SPARCL1: variants seen among roughly 807,000 people sequenced by gnomAD.
SPARCL1 encodes the protein SPARC-like protein 1.
A neutral mutation model predicts 67.1 loss-of-function variants in SPARCL1; 52 were observed. The ratio of observed to expected loss-of-function variants is 0.78; its 90% confidence interval spans 0.62 to 0.98. SPARCL1 has a LOEUF of 0.98. SPARCL1 is among the 50% of genes least tolerant of loss of function. The probability of loss-of-function intolerance (pLI) is 0.00; values close to 1 mark genes in which losing one functional copy is unlikely to be tolerated. For missense variants in SPARCL1, 717 were observed against 782.4 expected (o/e 0.92, Z 1.00); for synonymous variants, 226 against 267.8 (o/e 0.84, Z 1.52).
At chr4:87,516,682 C>T (rs1229413255) in intron 1 of SPARCL1, among the ~76,000 whole-genome samples, 1 of 152,160 alleles carries the variant, frequency 6.6e-6, no homozygotes, top group African/African-American at 2.4e-5. Context: ...AGCCAAAGGG[C>T]ACCCGGAGGC....
rs765140532 is a variant in SPARCL1 at position 87,490,409 on chromosome 4, A to C, written c.1411-16T>G. 4 of 1,594,688 alleles carry C rather than the reference A, an allele frequency of 2.5e-6. No individual in the cohort carries two copies. Among genetic ancestry groups the C allele is most frequent in the Non-Finnish European group, 3.4e-6 (4 of 1,174,124 alleles). On this transcript the variant is annotated splice_polypyrimidine_tract_variant and intron_variant, in intron 6 of 10. Transcript: ENST00000282470. Reference sequence around the variant, plus strand: ...TGCCACAAACCTATGGAAGATAAGTAGAAGAAAAAGCTGATAGAGCCAAAT... The same window carrying C: ...TGCCACAAACCTATGGAAGATAAGTCGAAGAAAAAGCTGATAGAGCCAAAT...
At chr4:87,497,397 ACT>A (rs1314895869) in intron 2 of SPARCL1, among the ~76,000 whole-genome samples, 1 of 151,972 alleles carries the variant, frequency 6.6e-6, no homozygotes, top group Non-Finnish European at 1.5e-5. Flanking sequence ...AGAACTGGTC[ACT>A]CTCTCTCCCC....
At chr4:87,512,560 T>C (rs1275238234) in intron 1 of SPARCL1, among the ~76,000 whole-genome samples, 2 of 152,114 alleles carry the variant, frequency 1.3e-5, no homozygotes, top group African/African-American at 4.8e-5. Flanking sequence ...TATTGAATGA[T>C]GAGAGACCAT....
At chr4:87,508,012 C>T (rs1275144707) in intron 1 of SPARCL1, among the ~76,000 whole-genome samples, 1 of 152,224 alleles carries the variant, frequency 6.6e-6, no homozygotes, top group Non-Finnish European at 1.5e-5. Flanking sequence ...CCGGAACACA[C>T]CCTCTAGGAA....
chr4:87,490,208 G>A, intron 7 of SPARCL1, 65 bp downstream of exon 7: 2 of 1,492,668 alleles, frequency 1.3e-6, no homozygotes, highest in Admixed American at 2.3e-5. Context: ...AGATAATTCA[G>A]GCATGTCCAG....
At chr4:87,520,131 T>A (rs1342068443) in intron 1 of SPARCL1, among the ~76,000 whole-genome samples, 1 of 151,318 alleles carries the variant, frequency 6.6e-6, no homozygotes, top group Admixed American at 6.6e-5. Context: ...TCCCAGCTAC[T>A]CAGGAGGCTG....
chr4:87,501,054 C>T (rs1724822979), intron 1 of SPARCL1, among the ~76,000 whole-genome samples: 1 of 152,140 alleles, frequency 6.6e-6, no homozygotes, highest in Non-Finnish European at 1.5e-5. Context: ...CTTATTCTTC[C>T]TGAATTTTCC....
At chr4:87,483,965 G>A (rs1227211840) in intron 7 of SPARCL1, among the ~76,000 whole-genome samples, 1 of 151,954 alleles carries the variant, frequency 6.6e-6, no homozygotes, top group Non-Finnish European at 1.5e-5. Context: ...TCTGTTCCTT[G>A]TAGATTCTGG....
At position 87,501,969 on chromosome 4, in the gene SPARCL1, A is replaced by ATT. The variant is rs55737224; in HGVS notation, c.-11-2386_-11-2385dup. Reference sequence around the variant, plus strand: ...CTTTTACCTTACATCTCTCCTATTGATTTTTTTTTTTTTCCTGGAGATAGG... The same window carrying ATT: ...CTTTTACCTTACATCTCTCCTATTGATTTTTTTTTTTTTTTCCTGGAGATAGG... On this transcript the variant is annotated intron_variant, in intron 1 of 10. Transcript: ENST00000282470. Among the ~76,000 whole-genome samples, 57 of 144,646 alleles carry ATT rather than the reference A, an allele frequency of 3.9e-4. 1 individual carries two copies. The highest frequency in any genetic ancestry group is 1.3e-3 in the African/African-American group (53 of 39,358). The allele number at this position is 144,646 out of a possible 152,430, so 94.9% of individuals were successfully genotyped here.
At chr4:87,480,314 T>A (rs938997229) in intron 9 of SPARCL1, 58 bp downstream of exon 9, 1 of 1,438,630 alleles carries the variant, frequency 7.0e-7, no homozygotes, top group African/African-American at 1.4e-5. Flanking sequence ...TTTGCATAGA[T>A]ATGTAGATAT....
intron 1 of SPARCL1, among the ~76,000 whole-genome samples, chr4:87,501,283 C>G (rs779070249): frequency 6.6e-6 from 1 of 152,016 alleles, no homozygotes; most frequent in Non-Finnish European, 1.5e-5. Context: ...CCTGGTAATC[C>G]CCTTTGTCTT....
Position 87,473,703 on chromosome 4 carries a change from C to A in SPARCL1, c.*72G>T, listed in dbSNP as rs1486396585. The A allele has an allele frequency of 8.4e-6, 9 of 1,066,816 alleles. No homozygotes were observed. Among genetic ancestry groups the A allele is most frequent in the Admixed American group, 2.2e-5 (1 of 44,560 alleles). The allele number at this position is 1,066,816 out of a possible 1,614,324, so 66.1% of individuals were successfully genotyped here. A position where few individuals can be genotyped will look rare whatever the true frequency, so the allele number is the denominator to read the frequency against. ...GCTAAATATAAATCTACAAGTATCA[C>A]AGCTGCATATATTTCTGAAGTGGTT... is the stretch of plus-strand genomic sequence containing the variant. On this transcript the variant is annotated 3_prime_UTR_variant, in exon 11 of 11. Coordinates refer to ENST00000282470, the MANE Select transcript of SPARCL1 (RefSeq NM_004684.6).
intron 1 of SPARCL1, among the ~76,000 whole-genome samples, chr4:87,515,220 A>G (rs1455581846): frequency 6.6e-6 from 1 of 152,244 alleles, no homozygotes; most frequent in African/African-American, 2.4e-5. Context: ...TCTAAGTTCC[A>G]GACTTGAACT....
At chr4:87,511,528 A>G (rs1725354959) in intron 1 of SPARCL1, among the ~76,000 whole-genome samples, 1 of 152,210 alleles carries the variant, frequency 6.6e-6, no homozygotes, top group Admixed American at 6.5e-5. Flanking sequence ...TTATTCAACC[A>G]GTTGAGCAGA....
At chr4:87,511,691 A>C (rs547760064) in intron 1 of SPARCL1, among the ~76,000 whole-genome samples, 22 of 152,192 alleles carry the variant, frequency 1.4e-4, no homozygotes, top group African/African-American at 5.3e-4. Context: ...AAGGTCAGGA[A>C]ATTATCCATT....
intron 1 of SPARCL1, among the ~76,000 whole-genome samples, chr4:87,508,782 ATGTGTGTGTGTG>A (rs71667857): frequency 2.9e-5 from 4 of 140,116 alleles, no homozygotes; most frequent in African/African-American, 7.9e-5. Flanking sequence ...GATGAAACAT[ATGTGTGTGTGTG>A]TGTGTGTGTG....
chr4:87,486,285 C>T (rs1197468359), intron 7 of SPARCL1, among the ~76,000 whole-genome samples: 1 of 152,132 alleles, frequency 6.6e-6, no homozygotes, highest in African/African-American at 2.4e-5. Context: ...TCATTGGTTT[C>T]AAAGAACTTC....
chr4:87,501,343 C>T (rs563408240), intron 1 of SPARCL1, among the ~76,000 whole-genome samples: 5 of 152,140 alleles, frequency 3.3e-5, no homozygotes, highest in African/African-American at 1.2e-4. Flanking sequence ...ATTTTTCTTT[C>T]TTAGTTTTCT....
chr4:87,489,550 A>G (rs2110223043), intron 7 of SPARCL1, among the ~76,000 whole-genome samples: 1 of 152,316 alleles, frequency 6.6e-6, no homozygotes, highest in African/African-American at 2.4e-5. Flanking sequence ...CCAGCCACCA[A>G]TGACGTTGCC....
Sources: gnomAD v4.1 joint callset for allele counts (sites outside exome capture counted in the v4.1 genomes callset) on GRCh38, gnomAD v4.1.1 for gene constraint, MANE v1.5 for transcripts, NCBI Gene and HGNC (gene_info 2026-07-23, HGNC 2026-07-21) for gene names.